MREG: variants seen among roughly 807,000 people sequenced by gnomAD.
MREG encodes the protein dilute suppressor protein homolog.
A neutral mutation model predicts 28.5 loss-of-function variants in MREG; 31 were observed. That is an observed-to-expected ratio of 1.09 (90% CI 0.82 to 1.47). The LOEUF (loss-of-function observed/expected upper bound fraction) is 1.47. MREG is among the 40% of genes most tolerant of loss of function. The probability of loss-of-function intolerance (pLI) is 0.00; values close to 1 mark genes in which losing one functional copy is unlikely to be tolerated. For missense variants in MREG, 256 were observed against 257.4 expected (o/e 0.99, Z 0.04); for synonymous variants, 106 against 95.2 (o/e 1.11, Z -0.66).
At chr2:215,972,786 AAACAACAAC>A (rs570707114) in intron 2 of MREG, among the ~76,000 whole-genome samples, 2 of 152,164 alleles carry the variant, frequency 1.3e-5, no homozygotes, top group South Asian at 2.1e-4. Flanking sequence ...GTTTTTTAAA[AAACAACAAC>A]AACAACAATT....
At chr2:215,993,604 GA>G (rs1693779346) in intron 2 of MREG, among the ~76,000 whole-genome samples, 1 of 152,174 alleles carries the variant, frequency 6.6e-6, no homozygotes, top group Non-Finnish European at 1.5e-5. Flanking sequence ...CACAGCAAAA[GA>G]AACTATCACC....
chr2:216,013,098 G>A (rs1176297285), intron 1 of MREG, 135 bp downstream of exon 1: 2 of 699,432 alleles, frequency 2.9e-6, no homozygotes, highest in East Asian at 3.1e-5. Flanking sequence ...GGAACCAAGG[G>A]GCTGAGATGG....
intron 2 of MREG, among the ~76,000 whole-genome samples, chr2:215,995,541 A>G (rs1368693987): frequency 6.9e-6 from 1 of 145,308 alleles, no homozygotes; most frequent in Non-Finnish European, 1.5e-5. Flanking sequence ...ACTAAACCCA[A>G]CTATAAGTTT....
At chr2:215,962,646 C>A (rs901485430) in intron 2 of MREG, among the ~76,000 whole-genome samples, 1 of 152,116 alleles carries the variant, frequency 6.6e-6, no homozygotes, top group African/African-American at 2.4e-5. Context: ...TCTTCAAAGT[C>A]GTGACCCAAA....
chr2:216,033,317 AT>A (rs1694739238), upstream of MREG, among the ~76,000 whole-genome samples: 2 of 152,170 alleles, frequency 1.3e-5, no homozygotes, highest in Admixed American at 1.3e-4. Flanking sequence ...CCATGCCATT[AT>A]CACGTTGAAT....
intron 2 of MREG, among the ~76,000 whole-genome samples, chr2:215,978,665 C>T (rs773871360): frequency 6.6e-6 from 1 of 152,190 alleles, no homozygotes; most frequent in Non-Finnish European, 1.5e-5. Flanking sequence ...TCCAGCAGCA[C>T]ATCAAAAAGG....
chr2:216,006,995 T>G (rs1694171666), intron 1 of MREG, among the ~76,000 whole-genome samples: 1 of 152,146 alleles, frequency 6.6e-6, no homozygotes, highest in African/African-American at 2.4e-5. Context: ...AGCAGCTAGT[T>G]CCATACCTCT....
chr2:215,984,038 A>T (rs1693498856), intron 2 of MREG, among the ~76,000 whole-genome samples: 1 of 152,226 alleles, frequency 6.6e-6, no homozygotes, highest in Non-Finnish European at 1.5e-5. Context: ...AATTTACAAA[A>T]GAAAGAGGTT....
At position 215,945,087 on chromosome 2, in the gene MREG, C is replaced by T. The variant is rs918992201; in HGVS notation, c.511-90G>A. On this transcript the variant is annotated intron_variant, in intron 4 of 4. Transcript: ENST00000263268. ...AAAAAGCAATCTAACAACAACAAAA[C>T]CCACCCTGGAAATGACAATGAGCAA... 9 of 1,326,300 alleles carry T rather than the reference C, an allele frequency of 6.8e-6. No homozygotes were observed. In the African/African-American group the frequency reaches 1.2e-4, roughly 17 times the overall value. The allele number at this position is 1,326,300 out of a possible 1,614,324, so 82.2% of individuals were successfully genotyped here.
intron 1 of MREG, among the ~76,000 whole-genome samples, chr2:215,996,942 G>A (rs182035747): frequency 1.6e-3 from 247 of 152,134 alleles, no homozygotes; most frequent in Admixed American, 3.9e-3. Flanking sequence ...CACCACGCCC[G>A]GATAATTCTT....
chr2:215,973,313 C>T (rs1693154124), intron 2 of MREG, among the ~76,000 whole-genome samples: 1 of 152,214 alleles, frequency 6.6e-6, no homozygotes, highest in Non-Finnish European at 1.5e-5. Flanking sequence ...ACTGCAGTCA[C>T]TCCCCATTGA....
chr2:215,991,897 GTAAT>G (rs1315293025), intron 2 of MREG, among the ~76,000 whole-genome samples: 4 of 152,124 alleles, frequency 2.6e-5, no homozygotes, highest in Admixed American at 2.0e-4. Context: ...AATTGAGGCA[GTAAT>G]TAATAGCCTA....
Position 216,008,384 on chromosome 2 carries a change from C to T in MREG, c.95+4849G>A, listed in dbSNP as rs558122171. ...CTATTAGCTGTTAATAACTGATAATCAAACATCGTTACATCTGTCTGATTT... is the reference window on the plus strand; with the variant it reads ...CTATTAGCTGTTAATAACTGATAATTAAACATCGTTACATCTGTCTGATTT... On this transcript the variant is annotated intron_variant, in intron 1 of 4. Transcript: ENST00000263268. 2.6e-5 allele frequency among the ~76,000 whole-genome samples: 4 copies of T among 152,298 alleles called. No homozygotes were observed. In the East Asian group the frequency reaches 7.7e-4, roughly 29 times the overall value.
At chr2:215,959,956 T>C (rs996268518) in intron 2 of MREG, among the ~76,000 whole-genome samples, 2 of 126,740 alleles carry the variant, frequency 1.6e-5, no homozygotes, top group African/African-American at 5.7e-5. Context: ...ACTGTATAGA[T>C]ACTCCTTTTT....
chr2:216,030,382 A>C (rs551300127), intron 1 of MREG, among the ~76,000 whole-genome samples: 1 of 152,260 alleles, frequency 6.6e-6, no homozygotes, highest in Admixed American at 6.5e-5. Context: ...AAGTTTCTTG[A>C]CCTGTTCATG....
At chr2:215,953,854 T>C (rs2115568) in intron 2 of MREG, among the ~76,000 whole-genome samples, 16,743 of 152,234 alleles carry the variant, frequency 0.11, 1,038 homozygotes, top group Middle Eastern at 0.23. Flanking sequence ...AAGGACAATA[T>C]AGATACCACA....
intron 1 of MREG, among the ~76,000 whole-genome samples, chr2:216,023,583 G>T (rs77817578): frequency 4.5e-4 from 68 of 152,240 alleles, no homozygotes; most frequent in African/African-American, 1.6e-3. Context: ...CATGGAAAGT[G>T]TATAGGCCAC....
chr2:216,028,291 G>GGATCACGAGGTCAGGAGATCGA (rs926540422), intron 1 of MREG, among the ~76,000 whole-genome samples: 3 of 152,046 alleles, frequency 2.0e-5, no homozygotes, highest in African/African-American at 7.2e-5. Flanking sequence ...TGAGGCAGAT[G>GGATCACGAGGTCAGGAGATCGA]GATCACGAGG....
At chr2:215,971,239 T>C (rs1388092539) in intron 2 of MREG, among the ~76,000 whole-genome samples, 1 of 152,180 alleles carries the variant, frequency 6.6e-6, no homozygotes, top group Non-Finnish European at 1.5e-5. Flanking sequence ...CAAACCACCA[T>C]GGCACATGTA....
Sources: allele counts gnomAD v4.1 joint callset (sites outside exome capture counted in the v4.1 genomes callset), GRCh38; gene constraint gnomAD v4.1.1; transcripts MANE v1.5; gene names NCBI Gene and HGNC (gene_info 2026-07-23, HGNC 2026-07-21).